CHST10: variants seen among roughly 807,000 people sequenced by gnomAD.
CHST10 encodes the protein HNK-1 sulfotransferase.
In CHST10, 24 loss-of-function variants were observed where a neutral mutation model predicts 34.7. That is an observed-to-expected ratio of 0.69 (90% CI 0.50 to 0.97). The LOEUF (loss-of-function observed/expected upper bound fraction) is 0.97, where lower values mean the gene tolerates loss of function less well. CHST10 is among the 50% of genes least tolerant of loss of function. CHST10 has a pLI of 0.00. For missense variants in CHST10, 402 were observed against 452.1 expected (o/e 0.89, Z 1.00); for synonymous variants, 161 against 169.3 (o/e 0.95, Z 0.38).
In CHST10 at chr2:100,398,066, T is replaced by C; in HGVS notation, c.269A>G (p.Asn90Ser). ...VYMERLELIR[N>S]VCRDDALKNL... ...CTTCAGGGCATCATCCCTGCAGACG[T>C]TTCTGATGAGTTCCAGGCGCTCCAT... is the stretch of plus-strand genomic sequence containing the variant. The change falls in exon 5 of 7, where the codon AAC becomes AGC. Residue 90 changes from asparagine (N) to serine (S), a missense_variant. Coordinates refer to ENST00000264249, the MANE Select transcript of CHST10 (RefSeq NM_004854.5). The C allele has an allele frequency of 6.2e-7, 1 of 1,614,108 alleles. No individual in the cohort carries two copies. The highest frequency in any genetic ancestry group is 8.5e-7 in the Non-Finnish European group (1 of 1,180,016).
At position 100,393,551 on chromosome 2, in the gene CHST10, C is replaced by T; in HGVS notation, c.765G>A (p.Gln255=). 6.2e-7 allele frequency: 1 copy of T among 1,614,144 alleles called. No individual in the cohort carries two copies. The highest frequency in any genetic ancestry group is 2.2e-5 in the East Asian group (1 of 44,866). ...GDPNHRWLDL[Q]FGDHIIHWVT... Reference sequence around the variant, plus strand: ...CCCAGTGAATGATGTGGTCCCCAAACTGAAGGTCTAGCCATCTGTGGTTCG... The same window carrying T: ...CCCAGTGAATGATGTGGTCCCCAAATTGAAGGTCTAGCCATCTGTGGTTCG... Residue 255 remains glutamine (Q), a synonymous_variant, in exon 7 of 7, where the codon CAG becomes CAA. Coordinates refer to ENST00000264249, the MANE Select transcript of CHST10 (RefSeq NM_004854.5).
At chr2:100,401,341 G>A (rs1163239498) in intron 4 of CHST10, among the ~76,000 whole-genome samples, 1 of 152,126 alleles carries the variant, frequency 6.6e-6, no homozygotes, top group African/African-American at 2.4e-5. Flanking sequence ...ACCCAGTAAA[G>A]TACACTGCAA....
rs181538919 is a variant in CHST10 at position 100,396,396 on chromosome 2, G to C, written c.428-782C>G. On this transcript the variant is annotated intron_variant, in intron 5 of 6. Coordinates refer to ENST00000264249, the MANE Select transcript of CHST10 (RefSeq NM_004854.5). ...ACTCTTTTCTCAATACAGACAAATG[G>C]AAATACACTGTCAGTATGCTGAGGT... 1.7e-3 allele frequency among the ~76,000 whole-genome samples: 262 copies of C among 152,276 alleles called. 1 individual carries two copies. Among genetic ancestry groups the C allele is most frequent in the African/African-American group, 6.0e-3 (249 of 41,548 alleles).
chr2:100,407,630 G>A (rs777408272), intron 2 of CHST10: 7 of 152,186 alleles, frequency 4.6e-5, no homozygotes, highest in Non-Finnish European at 1.0e-4. Context: ...GGGTGGGTCA[G>A]AGCTCCATGA....
intron 3 of CHST10, among the ~76,000 whole-genome samples, chr2:100,406,262 C>T (rs1182576730): frequency 2.6e-5 from 4 of 152,226 alleles, no homozygotes; most frequent in African/African-American, 4.8e-5. Context: ...AGGCGCCCTG[C>T]TGCAAGGCAT....
At chr2:100,412,003 G>A (rs779532681) in intron 2 of CHST10, among the ~76,000 whole-genome samples, 1 of 152,198 alleles carries the variant, frequency 6.6e-6, no homozygotes, top group Non-Finnish European at 1.5e-5. Flanking sequence ...CATGGGGCCT[G>A]CCAGGGCTAT....
Position 100,402,674 on chromosome 2 carries a change from G to A in CHST10, c.101-19C>T. On this transcript the variant is annotated intron_variant, in intron 3 of 6. Transcript: ENST00000264249. Reference sequence around the variant, plus strand: ...CTGTACACTGGAAGACAGAGAGGTTGAATGTCTTCTCTAAAAGGAAAAGGC... The same window carrying A: ...CTGTACACTGGAAGACAGAGAGGTTAAATGTCTTCTCTAAAAGGAAAAGGC... The A allele has an allele frequency of 6.2e-7, 1 of 1,603,058 alleles. No individual in the cohort carries two copies. Among genetic ancestry groups the A allele is most frequent in the Non-Finnish European group, 8.5e-7 (1 of 1,170,192 alleles).
chr2:100,400,173 A>T (rs1441279948), intron 4 of CHST10, among the ~76,000 whole-genome samples: 2 of 152,246 alleles, frequency 1.3e-5, no homozygotes, highest in Non-Finnish European at 2.9e-5. Context: ...GCACTTTTAG[A>T]TACTGCTTTT....
intron 1 of CHST10, chr2:100,416,910 A>G (rs1676090096): frequency 8.0e-7 from 1 of 1,244,508 alleles, no homozygotes; most frequent in Non-Finnish European, 1.1e-6. Flanking sequence ...GCCTCCTGAC[A>G]GCGAAGATCA....
intron 1 of CHST10, chr2:100,416,414 C>A (rs913992898): frequency 3.9e-5 from 6 of 152,440 alleles, no homozygotes; most frequent in African/African-American, 1.4e-4. Context: ...AAGAGCAATT[C>A]TGAATTCTGA....
At position 100,393,607 on chromosome 2, in the gene CHST10, A is replaced by G. The variant is rs1488428014; in HGVS notation, c.709T>C (p.Phe237Leu). 1 of 1,613,924 alleles carries G rather than the reference A, an allele frequency of 6.2e-7. No individual in the cohort carries two copies. The highest frequency in any genetic ancestry group is 8.5e-7 in the Non-Finnish European group (1 of 1,180,008). ...RNRTETRGIQ[F>L]EDFVRYLGDP... ...CCGAGGTAGCGCACGAAATCTTCAA[A>G]CTGGATCCCCCGGGTCTCTGTCCGG... The change falls in exon 7 of 7, where the codon TTT becomes CTT. Residue 237 changes from phenylalanine to leucine, a missense_variant. By Grantham distance (22) the Phe-to-Leu change is conservative. Transcript: ENST00000264249.
chr2:100,405,994 C>A (rs1226825105), intron 3 of CHST10, among the ~76,000 whole-genome samples: 1 of 152,218 alleles, frequency 6.6e-6, no homozygotes, highest in Non-Finnish European at 1.5e-5. Context: ...AAGCAAATGA[C>A]AAGAGCACGA....
rs1191535064 is a variant in CHST10 at position 100,392,885 on chromosome 2, G to C, written c.*360C>G. Reference sequence around the variant, plus strand: ...ACCCTGACTAGCCAGGAGAACCTCAGGGGCATCCCCTTCCTTAACACCTGA... The same window carrying C: ...ACCCTGACTAGCCAGGAGAACCTCACGGGCATCCCCTTCCTTAACACCTGA... On this transcript the variant is annotated 3_prime_UTR_variant, in exon 7 of 7. Transcript: ENST00000264249. 7 of 254,964 alleles carry C rather than the reference G, an allele frequency of 2.7e-5. No individual in the cohort carries two copies. The allele number at this position is 254,964 out of a possible 1,614,324, so 15.8% of individuals were successfully genotyped here.
chr2:100,411,563 A>G (rs1675844287), intron 2 of CHST10, among the ~76,000 whole-genome samples: 2 of 152,210 alleles, frequency 1.3e-5, no homozygotes, highest in South Asian at 4.1e-4. Context: ...CAGCACTCAA[A>G]CATGAGTAGG....
At chr2:100,417,152 C>T (rs1676100185) in intron 1 of CHST10, 1 of 937,136 alleles carries the variant, frequency 1.1e-6, no homozygotes, top group South Asian at 1.4e-5. Context: ...TTCCGCGGGT[C>T]ACAGCATCCC....
At chr2:100,399,553 TAAC>T (rs749641173) in intron 4 of CHST10, among the ~76,000 whole-genome samples, 2 of 152,200 alleles carry the variant, frequency 1.3e-5, no homozygotes, top group African/African-American at 2.4e-5. Flanking sequence ...AGGGTAGTTT[TAAC>T]AACCTGTCCT....
chr2:100,412,082 G>A (rs1394145602), intron 2 of CHST10, among the ~76,000 whole-genome samples: 1 of 152,232 alleles, frequency 6.6e-6, no homozygotes, highest in Non-Finnish European at 1.5e-5. Context: ...GGGTGGTGAT[G>A]TCATGATCTG....
rs1489351400 is a variant in CHST10, at chr2:100,397,979, T to C, written c.356A>G (p.His119Arg). 6.2e-7 allele frequency: 1 copy of C among 1,614,192 alleles called. No individual in the cohort carries two copies. ...VLDRIFVCDK[H>R]KILFCQTPKV... is the part of the protein sequence containing the mutation. ...GGGAGTCTGGCAGAAAAGAATCTTG[T>C]GCTTGTCACAGACAAATATTCGGTC... is the stretch of plus-strand genomic sequence containing the variant. Residue 119 changes from histidine to arginine, a missense_variant, in exon 5 of 7, where the codon CAC becomes CGC. Physicochemically the swap from His to Arg is conservative, Grantham distance 29 (BLOSUM62 0). Transcript: ENST00000264249.
At chr2:100,394,113 A>C (rs1451164667) in intron 6 of CHST10, among the ~76,000 whole-genome samples, 3 of 152,236 alleles carry the variant, frequency 2.0e-5, no homozygotes, top group Non-Finnish European at 4.4e-5. Context: ...AAGAATGTTT[A>C]CAAATTTTGT....
Sources: gnomAD v4.1 joint callset for allele counts (sites outside exome capture counted in the v4.1 genomes callset) on GRCh38, gnomAD v4.1.1 for gene constraint, MANE v1.5 for transcripts, NCBI Gene and HGNC (gene_info 2026-07-23, HGNC 2026-07-21) for gene names.